Variants in HDAC9 observed in about 807,000 individuals in gnomAD.
HDAC9 encodes histone deacetylase 9.
In HDAC9, 41 loss-of-function variants were observed where a neutral mutation model predicts 139.4. That is an observed-to-expected ratio of 0.29 (90% CI 0.23 to 0.38). HDAC9 has a LOEUF of 0.38. Ranked by LOEUF, HDAC9 falls within the 10% of genes least tolerant of loss-of-function variation. The pLI is 1.00. For synonymous variants in HDAC9, 517 were observed against 476.2 expected (o/e 1.09, Z -1.12); for missense variants, 1,147 against 1,297.0 (o/e 0.88, Z 1.78).
chr7:18,451,397 G>A (rs1350651497), intron 1 of HDAC9, among the ~76,000 whole-genome samples: 2 of 130,996 alleles, frequency 1.5e-5, no homozygotes, highest in African/African-American at 2.8e-5. Context: ...GTGTGTGTGT[G>A]TGTGTATATA....
At chr7:18,951,134 G>T (rs1316019610) in intron 23 of HDAC9, among the ~76,000 whole-genome samples, 1 of 151,902 alleles carries the variant, frequency 6.6e-6, no homozygotes, top group African/African-American at 2.4e-5. Context: ...CAACTAAAAT[G>T]ATTTTTGACG....
rs141866709 is a variant in HDAC9, at chr7:18,894,245, C to T, written c.2803+19649C>T. Among the ~76,000 whole-genome samples, 71 of 152,116 alleles carry T rather than the reference C, an allele frequency of 4.7e-4. 2 individuals are homozygous for T. The highest frequency in any genetic ancestry group is 2.3e-3 in the East Asian group (12 of 5,184). The stretch of plus-strand genomic sequence containing the variant: ...TCAGCATATAGACGCTATTTAAAGC[C>T]GTAAGCCCAGATGAGATCACCTAGG... On this transcript the variant is annotated intron_variant, in intron 22 of 25. Transcript: ENST00000686413.
Position 18,835,569 on chromosome 7 carries a change from A to G in HDAC9, c.2569A>G (p.Ser857Gly). 1 of 1,613,830 alleles carries G rather than the reference A, an allele frequency of 6.2e-7. No individual in the cohort carries two copies. Among genetic ancestry groups the G allele is most frequent in the East Asian group, 2.2e-5 (1 of 44,876 alleles). Residue 857 changes from serine (S) to glycine (G), a missense_variant, in exon 20 of 26, where the codon AGT becomes GGT. Transcript: ENST00000686413. ...RYDEGNFFPGSGAPNEVGTGL... is the reference protein window; with the variant it reads ...RYDEGNFFPGGGAPNEVGTGL... The stretch of plus-strand genomic sequence containing the variant: ...TGATGAAGGGAACTTTTTCCCTGGC[A>G]GTGGAGCCCCAAATGAGGTTCGGTT...
At chr7:18,958,759 CAT>C (rs1187494096) in intron 24 of HDAC9, among the ~76,000 whole-genome samples, 3 of 152,118 alleles carry the variant, frequency 2.0e-5, no homozygotes, top group African/African-American at 7.2e-5. Flanking sequence ...ACTAACCTCA[CAT>C]ATTTATACTC....
intron 1 of HDAC9, among the ~76,000 whole-genome samples, chr7:18,386,335 C>T (rs1045677108): frequency 2.0e-5 from 3 of 152,190 alleles, no homozygotes; most frequent in African/African-American, 7.2e-5. Context: ...ATTCCTTACT[C>T]CTCACCTCAC....
chr7:18,516,304 A>G (rs997391101), intron 2 of HDAC9, among the ~76,000 whole-genome samples: 7 of 152,300 alleles, frequency 4.6e-5, no homozygotes, highest in African/African-American at 1.7e-4. Context: ...CTGGGTAAAT[A>G]TATTCAGTTA....
At chr7:18,588,047 G>A (rs1173505275) in intron 3 of HDAC9, among the ~76,000 whole-genome samples, 1 of 152,136 alleles carries the variant, frequency 6.6e-6, no homozygotes, top group Admixed American at 6.5e-5. Flanking sequence ...CACCCATTAA[G>A]GGAGTGTATT....
intron 1 of HDAC9, among the ~76,000 whole-genome samples, chr7:18,159,722 G>C (rs563570685): frequency 2.3e-4 from 35 of 152,206 alleles, no homozygotes; most frequent in Admixed American, 1.4e-3. Context: ...GTTTAATATG[G>C]ATTATTGGAA....
intron 12 of HDAC9, among the ~76,000 whole-genome samples, chr7:18,685,707 C>T (rs930035221): frequency 6.6e-6 from 1 of 151,974 alleles, no homozygotes; most frequent in Non-Finnish European, 1.5e-5. Context: ...AATAGATTTC[C>T]TCCTAAGGGG....
intron 13 of HDAC9, among the ~76,000 whole-genome samples, chr7:18,735,470 T>A (rs750529346): frequency 1.9e-4 from 29 of 152,162 alleles, no homozygotes; most frequent in Admixed American, 2.0e-4. Flanking sequence ...CAGTTTTCCC[T>A]GCACCATTTA....
chr7:18,189,369 T>G (rs959025937), intron 2 of HDAC9, among the ~76,000 whole-genome samples: 1 of 151,772 alleles, frequency 6.6e-6, no homozygotes, highest in Non-Finnish European at 1.5e-5. Context: ...GGAGGGAATT[T>G]AGAGGACAGG....
chr7:18,249,162 A>G (rs1226324513), intron 2 of HDAC9, among the ~76,000 whole-genome samples: 2 of 152,186 alleles, frequency 1.3e-5, no homozygotes, highest in African/African-American at 4.8e-5. Context: ...ATTTTCTTAA[A>G]ACAAGAAAAA....
At chr7:18,902,067 C>G (rs1474032126) in intron 22 of HDAC9, among the ~76,000 whole-genome samples, 2 of 152,184 alleles carry the variant, frequency 1.3e-5, no homozygotes, top group East Asian at 3.9e-4. Flanking sequence ...AATAAAGCTA[C>G]CCTCACAGGC....
chr7:18,347,835 C>T (rs2128669690), intron 1 of HDAC9, among the ~76,000 whole-genome samples: 1 of 152,182 alleles, frequency 6.6e-6, no homozygotes, highest in Non-Finnish European at 1.5e-5. Context: ...CCTCGGCCTC[C>T]CCAAGTGCTG....
At chr7:18,709,785 C>A (rs987327344) in intron 12 of HDAC9, among the ~76,000 whole-genome samples, 1 of 152,156 alleles carries the variant, frequency 6.6e-6, no homozygotes, top group African/African-American at 2.4e-5. Context: ...AATCCTTCCA[C>A]CTTGGCCTCC....
chr7:18,110,244 G>A (rs780378598), intron 1 of HDAC9, among the ~76,000 whole-genome samples: 9 of 152,130 alleles, frequency 5.9e-5, no homozygotes, highest in Non-Finnish European at 8.8e-5. Flanking sequence ...TGTCCTTTTG[G>A]TAGATATAGT....
intron 12 of HDAC9, among the ~76,000 whole-genome samples, chr7:18,722,840 G>C (rs1281021513): frequency 1.3e-5 from 2 of 152,112 alleles, no homozygotes; most frequent in Non-Finnish European, 2.9e-5. Flanking sequence ...GTTCAAAAAT[G>C]TTTGGCCCAT....
chr7:18,631,492 A>G (rs993258658), intron 7 of HDAC9, among the ~76,000 whole-genome samples: 1 of 151,986 alleles, frequency 6.6e-6, no homozygotes, highest in Non-Finnish European at 1.5e-5. Context: ...TCTTAATACT[A>G]AATATTTTTA....
At chr7:18,617,691 G>A (rs1323148512) in intron 6 of HDAC9, among the ~76,000 whole-genome samples, 2 of 152,056 alleles carry the variant, frequency 1.3e-5, no homozygotes, top group Non-Finnish European at 2.9e-5. Flanking sequence ...CTACTCAGTT[G>A]AGGAATCCTT....
Sources: gnomAD v4.1 joint callset for allele counts (sites outside exome capture counted in the v4.1 genomes callset) on GRCh38, gnomAD v4.1.1 for gene constraint, MANE v1.5 for transcripts, NCBI Gene and HGNC (gene_info 2026-07-23, HGNC 2026-07-21) for gene names.